Variants in AKAIN1 observed in about 807,000 individuals in gnomAD.
The protein encoded by AKAIN1 is A-kinase anchor protein inhibitor 1.
Under a neutral mutation model 3.7 loss-of-function variants are expected in AKAIN1, and 3 were observed. The observed-to-expected ratio is 0.82, with a 90% CI of 0.37 to 2.12. AKAIN1 has a LOEUF of 2.12. AKAIN1 is among the 30% of genes most tolerant of loss of function. AKAIN1 has a pLI of 0.06. For missense variants in AKAIN1, 82 were observed against 82.7 expected, an observed-to-expected ratio of 0.99 and a Z score of 0.03; for synonymous variants, 31 against 30.8, an observed-to-expected ratio of 1.01 and a Z score of -0.02.
intron 1 of AKAIN1, among the ~76,000 whole-genome samples, chr18:5,149,761 A>G (rs143358844): frequency 5.0e-4 from 76 of 152,328 alleles, no homozygotes; most frequent in African/African-American, 1.7e-3. Context: ...GAAATTCCTG[A>G]AAGAGAGAGC....
At position 5,145,476 on chromosome 18, in the gene AKAIN1, G is replaced by T; in HGVS notation, c.*86C>A. On this transcript the variant is annotated 3_prime_UTR_variant, in exon 2 of 2. Transcript: ENST00000434239. ...CTAGGTGCCGGTGACACTTCGGTTT[G>T]CTTTACTGGCAACATTTTGGAGATG... 1 of 1,133,880 alleles carries T rather than the reference G, an allele frequency of 8.8e-7. No individual in the cohort carries two copies. The allele number at this position is 1,133,880 out of a possible 1,614,324, so 70.2% of individuals were successfully genotyped here.
intron 1 of AKAIN1, among the ~76,000 whole-genome samples, chr18:5,183,187 A>T (rs1008726750): frequency 2.0e-5 from 3 of 152,066 alleles, no homozygotes; most frequent in African/African-American, 7.2e-5. Flanking sequence ...TTTAAAAATG[A>T]TACATAAAAG....
chr18:5,184,598 C>T (rs1049929089), intron 1 of AKAIN1, among the ~76,000 whole-genome samples: 1 of 151,718 alleles, frequency 6.6e-6, no homozygotes, highest in Admixed American at 6.6e-5. Context: ...ACAATAGACA[C>T]AAAAAAGAAT....
chr18:5,169,849 C>A (rs550419497), intron 1 of AKAIN1, among the ~76,000 whole-genome samples: 1 of 152,228 alleles, frequency 6.6e-6, no homozygotes, highest in Admixed American at 6.5e-5. Flanking sequence ...TGATTTTTAT[C>A]TCATTAAAAC....
chr18:5,157,597 T>C (rs1412312766), intron 1 of AKAIN1, among the ~76,000 whole-genome samples: 1 of 152,204 alleles, frequency 6.6e-6, no homozygotes, highest in Non-Finnish European at 1.5e-5. Context: ...TTCCTATGAC[T>C]CTGTACTCAA....
intron 1 of AKAIN1, among the ~76,000 whole-genome samples, chr18:5,196,504 A>G (rs1311057398): frequency 6.6e-6 from 1 of 152,182 alleles, no homozygotes; most frequent in Admixed American, 6.5e-5. Context: ...CTCCGGTCGG[A>G]GTTTCAGGTC....
chr18:5,150,369 T>C (rs759917029), intron 1 of AKAIN1, among the ~76,000 whole-genome samples: 1 of 152,214 alleles, frequency 6.6e-6, no homozygotes, highest in Non-Finnish European at 1.5e-5. Flanking sequence ...ATGTAATGAA[T>C]CACTTAGTGT....
intron 1 of AKAIN1, among the ~76,000 whole-genome samples, chr18:5,194,754 T>C (rs2071338648): frequency 6.6e-6 from 1 of 152,226 alleles, no homozygotes; most frequent in African/African-American, 2.4e-5. Flanking sequence ...ATTGTTATAT[T>C]CATCTTGGCT....
intron 1 of AKAIN1, among the ~76,000 whole-genome samples, chr18:5,153,606 A>G (rs2071090744): frequency 6.6e-6 from 1 of 152,220 alleles, no homozygotes; most frequent in South Asian, 2.1e-4. Context: ...GAAAGTGACT[A>G]CTTCATACTG....
chr18:5,191,266 A>G lies in AKAIN1; in HGVS notation c.16+5772T>C, dbSNP rs920153645. Among the ~76,000 whole-genome samples, 4 of 152,310 alleles carry G rather than the reference A, an allele frequency of 2.6e-5. No individual in the cohort carries two copies. The East Asian group carries it at 5.8e-4, about 22-fold the overall frequency. ...ATTTAAAAATCCTAAGGAATCTACA[A>G]CTTATCTCTTACAACTAATAAAAGA... On this transcript the variant is annotated intron_variant, in intron 1 of 1. Transcript: ENST00000434239.
Position 5,197,145 on chromosome 18 carries a change from A to C in AKAIN1, c.-92T>G, listed in dbSNP as rs2071353320. The C allele has an allele frequency of 2.6e-6, 4 of 1,532,716 alleles. No homozygotes were observed. The highest frequency in any genetic ancestry group is 2.4e-5 in the South Asian group (2 of 83,054). The allele number at this position is 1,532,716 out of a possible 1,614,324, so 94.9% of individuals were successfully genotyped here. A position where few individuals can be genotyped will look rare whatever the true frequency, so the allele number is the denominator to read the frequency against. On this transcript the variant is annotated 5_prime_UTR_variant, in exon 1 of 2. Coordinates refer to ENST00000434239, the MANE Select transcript of AKAIN1 (RefSeq NM_001145194.2). The surrounding 1 kb of genome is among the most constrained non-coding windows in gnomAD (Gnocchi z 6.9). ...GGCCGGACTTGGCGGGGTCCGGTGC[A>C]GGAGGGCGCGCTGGGCGGGCGGCGG...
chr18:5,164,740 A>C (rs573598520), intron 1 of AKAIN1, among the ~76,000 whole-genome samples: 2 of 152,154 alleles, frequency 1.3e-5, no homozygotes, highest in Admixed American at 1.3e-4. Context: ...TACTTGCCTT[A>C]TGAGTAATGC....
At chr18:5,180,411 C>T in intron 1 of AKAIN1, among the ~76,000 whole-genome samples, 1 of 152,058 alleles carries the variant, frequency 6.6e-6, no homozygotes, top group South Asian at 2.1e-4. Flanking sequence ...AGAGACCTGC[C>T]CCTGTCTAAG....
intron 1 of AKAIN1, among the ~76,000 whole-genome samples, chr18:5,182,842 G>T (rs2143023586): frequency 6.6e-6 from 1 of 152,170 alleles, no homozygotes; most frequent in Non-Finnish European, 1.5e-5. Flanking sequence ...AGGAGTACAT[G>T]AAGAATCTAG....
At position 5,191,462 on chromosome 18, in the gene AKAIN1, G is replaced by T. The variant is rs556838330; in HGVS notation, c.16+5576C>A. Among the ~76,000 whole-genome samples the T allele has an allele frequency of 2.0e-5, 3 of 152,236 alleles. No homozygotes were observed. In the South Asian group the frequency reaches 6.2e-4, roughly 32 times the overall value. ...GCAACATATGCAAGATCTGTATGCT[G>T]AAAGCTACAAAATTCTGATGAAATG... On this transcript the variant is annotated intron_variant, in intron 1 of 1. Coordinates refer to ENST00000434239, the MANE Select transcript of AKAIN1 (RefSeq NM_001145194.2).
intron 1 of AKAIN1, among the ~76,000 whole-genome samples, chr18:5,169,532 T>C (rs2071185597): frequency 6.6e-6 from 1 of 151,912 alleles, no homozygotes; most frequent in Non-Finnish European, 1.5e-5. Context: ...GCTCCAAAAA[T>C]CCAAGCACAA....
chr18:5,190,520 G>A (rs1486213524), intron 1 of AKAIN1, among the ~76,000 whole-genome samples: 3 of 152,038 alleles, frequency 2.0e-5, no homozygotes, highest in South Asian at 2.1e-4. Flanking sequence ...TACTGGTGAC[G>A]GAAACATTTA....
intron 1 of AKAIN1, among the ~76,000 whole-genome samples, chr18:5,147,084 G>A (rs2071053575): frequency 6.6e-6 from 1 of 152,340 alleles, no homozygotes; most frequent in Non-Finnish European, 1.5e-5. Context: ...GAAGGGTAAA[G>A]TCAGATAAAG....
At chr18:5,147,349 A>G (rs1438271067) in intron 1 of AKAIN1, among the ~76,000 whole-genome samples, 10 of 152,324 alleles carry the variant, frequency 6.6e-5, no homozygotes, top group Admixed American at 6.5e-4. Context: ...TTAATTGTGC[A>G]GTAGATGTAA....
Sources: gnomAD v4.1 joint callset for allele counts (sites outside exome capture counted in the v4.1 genomes callset) on GRCh38, gnomAD v4.1.1 for gene constraint, Gnocchi (gnomAD v3.1) non-coding constraint, MANE v1.5 for transcripts, NCBI Gene and HGNC (gene_info 2026-07-23, HGNC 2026-07-21) for gene names.